The following TCERG1 variants were observed in gnomAD, a reference collection of about 807,000 sequenced individuals.
TCERG1 encodes transcription elongation regulator 1, also known as TATA box binding protein (TBP)-associated factor, RNA polymerase II, S, 150kD.
Under a neutral mutation model 144.7 loss-of-function variants are expected in TCERG1, and 37 were observed. That is an observed-to-expected ratio of 0.26 (90% CI 0.20 to 0.34). The LOEUF is 0.34. TCERG1 is among the 10% of genes least tolerant of loss of function. The pLI, the probability that TCERG1 is intolerant of heterozygous loss-of-function variation, is 1.00. For missense variants in TCERG1, 1,027 were observed against 1,380.7 expected (o/e 0.74, Z 4.06); for synonymous variants, 492 against 458.2 (o/e 1.07, Z -0.94).
At chr5:146,459,508 A>G (rs1763159426) in intron 4 of TCERG1, among the ~76,000 whole-genome samples, 171 bp downstream of exon 4, 1 of 152,246 alleles carries the variant, frequency 6.6e-6, no homozygotes, top group Admixed American at 6.5e-5. Flanking sequence ...AGGAATTTAT[A>G]TTAACAGGAG....
At chr5:146,480,833 T>G (rs1181156625) in intron 12 of TCERG1, among the ~76,000 whole-genome samples, 3 of 152,120 alleles carry the variant, frequency 2.0e-5, no homozygotes, top group Non-Finnish European at 4.4e-5. Context: ...ATTTCTTTAT[T>G]GGCAACAACA....
At chr5:146,480,710 A>G (rs544324510) in intron 12 of TCERG1, among the ~76,000 whole-genome samples, 12 of 152,256 alleles carry the variant, frequency 7.9e-5, no homozygotes, top group African/African-American at 2.9e-4. Context: ...GAAGACATTA[A>G]CAGGAACTGG....
At chr5:146,453,601 G>A (rs1437179087) in intron 1 of TCERG1, among the ~76,000 whole-genome samples, 1 of 152,052 alleles carries the variant, frequency 6.6e-6, no homozygotes, top group East Asian at 1.9e-4. Flanking sequence ...GCCCTGTATG[G>A]CATTTCCTCC....
chr5:146,465,934 T>G (rs1037237863), intron 5 of TCERG1, among the ~76,000 whole-genome samples: 1 of 151,396 alleles, frequency 6.6e-6, no homozygotes, highest in African/African-American at 2.4e-5. Flanking sequence ...GCAGGAGAAT[T>G]TCTTGAACCT....
At position 146,510,860 on chromosome 5, in the gene TCERG1, C is replaced by G. The variant is rs559596559; in HGVS notation, c.*218C>G. On this transcript the variant is annotated 3_prime_UTR_variant, in exon 23 of 23. Transcript: ENST00000679501. Reference sequence around the variant, plus strand: ...ATACATACTCAAATATAGGCTGTCTCTAGTAAATCTTAAAATCTTGAAGCT... The same window carrying G: ...ATACATACTCAAATATAGGCTGTCTGTAGTAAATCTTAAAATCTTGAAGCT... 1.8e-5 allele frequency: 7 copies of G among 382,950 alleles called. No homozygotes were observed. Among genetic ancestry groups the G allele is most frequent in the East Asian group, 1.3e-4 (3 of 23,878 alleles). The allele number at this position is 382,950 out of a possible 1,614,324, so 23.7% of individuals were successfully genotyped here. A position where few individuals can be genotyped will look rare whatever the true frequency, so the allele number is the denominator to read the frequency against.
At chr5:146,497,233 C>T (rs1767007127) in intron 16 of TCERG1, among the ~76,000 whole-genome samples, 1 of 152,118 alleles carries the variant, frequency 6.6e-6, no homozygotes, top group Admixed American at 6.5e-5. Context: ...AGTGCAGTGG[C>T]ACGATCTCGG....
chr5:146,480,301 A>G (rs1308769212), intron 12 of TCERG1: 6 of 383,184 alleles, frequency 1.6e-5, no homozygotes, highest in East Asian at 1.3e-4. Context: ...GGGTATTCAT[A>G]TATGTATTAT....
At chr5:146,496,107 G>A (rs555172302) in intron 16 of TCERG1, among the ~76,000 whole-genome samples, 9 of 152,308 alleles carry the variant, frequency 5.9e-5, no homozygotes, top group East Asian at 1.9e-4. Flanking sequence ...AGCCAAGATC[G>A]CGCCACTGGT....
At chr5:146,492,203 T>A (rs1360263366) in intron 15 of TCERG1, among the ~76,000 whole-genome samples, 2 of 152,200 alleles carry the variant, frequency 1.3e-5, no homozygotes, top group East Asian at 3.9e-4. Context: ...TGATGCTGTC[T>A]ATTCTTGAGT....
chr5:146,452,798 T>C (rs911388562), intron 1 of TCERG1, among the ~76,000 whole-genome samples: 7 of 152,048 alleles, frequency 4.6e-5, no homozygotes, highest in African/African-American at 1.2e-4. Context: ...CACCATGTTG[T>C]CCAGGTTGAT....
intron 2 of TCERG1, among the ~76,000 whole-genome samples, chr5:146,456,906 G>A (rs1169171701): frequency 6.6e-6 from 1 of 152,126 alleles, no homozygotes; most frequent in Non-Finnish European, 1.5e-5. Context: ...GTAATCCAGC[G>A]CCCTGTGTGT....
Position 146,469,553 on chromosome 5 carries a change from C to T in TCERG1, c.1208C>T (p.Pro403Leu). The T allele has an allele frequency of 6.3e-7, 1 of 1,591,636 alleles. No homozygotes were observed. Reference sequence around the variant, plus strand: ...ATTATTCTTTTTTTAGGTGTATTGCCAGGAATGGCCCCTCCTATCGTACCC... The same window carrying T: ...ATTATTCTTTTTTTAGGTGTATTGCTAGGAATGGCCCCTCCTATCGTACCC... ...TVATTKTGVL[P>L]GMAPPIVPMI... is the part of the protein sequence containing the mutation. The change falls in exon 7 of 23, where the codon CCA (proline) becomes CTA (leucine). Residue 403 changes from proline to leucine, a missense_variant. Coordinates refer to ENST00000679501, the MANE Select transcript of TCERG1 (RefSeq NM_001382548.1).
chr5:146,472,560 G>A (rs12186419), intron 9 of TCERG1, among the ~76,000 whole-genome samples: 8,208 of 152,170 alleles, frequency 0.054, 290 homozygotes, highest in Middle Eastern at 0.11. Flanking sequence ...CTGTTCCACC[G>A]ACCGGCTGTT....
intron 16 of TCERG1, among the ~76,000 whole-genome samples, chr5:146,497,436 T>G (rs1202784963): frequency 6.6e-6 from 1 of 152,190 alleles, no homozygotes; most frequent in African/African-American, 2.4e-5. Flanking sequence ...CATGAGCCAC[T>G]GCACCTGGCC....
At chr5:146,470,510 A>G (rs1581440177) in intron 7 of TCERG1, 126 bp from the exon 8 acceptor site, 1 of 706,232 alleles carries the variant, frequency 1.4e-6, no homozygotes, top group Non-Finnish European at 2.2e-6. Context: ...TCAAAGATAT[A>G]AGGAAAGACA....
chr5:146,459,483 G>C, intron 4 of TCERG1, 146 bp downstream of exon 4: 1 of 1,409,756 alleles, frequency 7.1e-7, no homozygotes, highest in Non-Finnish European at 9.5e-7. Context: ...TAAAACTTTT[G>C]GGTTAGAGGA....
At chr5:146,467,499 C>T (rs1312173616) in intron 5 of TCERG1, among the ~76,000 whole-genome samples, 1 of 152,118 alleles carries the variant, frequency 6.6e-6, no homozygotes, top group Non-Finnish European at 1.5e-5. Flanking sequence ...TTAAAAATCA[C>T]CATTGTAATG....
chr5:146,495,409 A>T (rs1483806085), intron 16 of TCERG1, among the ~76,000 whole-genome samples: 1 of 152,238 alleles, frequency 6.6e-6, no homozygotes, highest in Non-Finnish European at 1.5e-5. Flanking sequence ...GGCTTAATTT[A>T]TCATGAAAAT....
intron 1 of TCERG1, 48 bp from the exon 2 acceptor site, chr5:146,455,008 T>A (rs1240213860): frequency 6.3e-7 from 1 of 1,595,780 alleles, no homozygotes; most frequent in Non-Finnish European, 8.6e-7. Context: ...GTAGCTACAT[T>A]TTTGTAATTT....
Sources: gnomAD v4.1 joint callset for allele counts (sites outside exome capture counted in the v4.1 genomes callset) on GRCh38, gnomAD v4.1.1 for gene constraint, MANE v1.5 for transcripts, NCBI Gene and HGNC (gene_info 2026-07-23, HGNC 2026-07-21) for gene names.